SPAG17: variants seen among roughly 807,000 people sequenced by gnomAD.
SPAG17 encodes sperm-associated antigen 17.
Under a neutral mutation model 273.6 loss-of-function variants are expected in SPAG17, and 169 were observed. The ratio of observed to expected loss-of-function variants is 0.62; its 90% CI spans 0.55 to 0.70. SPAG17 has a LOEUF of 0.70. Ranked by LOEUF, SPAG17 falls within the 30% of genes least tolerant of loss-of-function variation. The pLI is 0.00. For synonymous variants in SPAG17, 825 were observed against 873.2 expected (o/e 0.94, Z 0.97); for missense variants, 2,557 against 2,627.8 (o/e 0.97, Z 0.59).
intron 23 of SPAG17, among the ~76,000 whole-genome samples, chr1:118,037,888 T>C (rs1649268939): frequency 1.3e-5 from 2 of 152,164 alleles, no homozygotes; most frequent in Admixed American, 1.3e-4. Context: ...ATAATAAAGA[T>C]GGGGCAATAT....
At chr1:118,029,384 T>C (rs1047590129) in intron 25 of SPAG17, among the ~76,000 whole-genome samples, 1 of 152,198 alleles carries the variant, frequency 6.6e-6, no homozygotes, top group African/African-American at 2.4e-5. Context: ...GTATTTTTTT[T>C]ATAGCAGTCC....
intron 18 of SPAG17, among the ~76,000 whole-genome samples, chr1:118,065,500 T>C (rs1409057551): frequency 2.0e-5 from 3 of 152,140 alleles, no homozygotes; most frequent in African/African-American, 7.2e-5. Flanking sequence ...TAGGAATATT[T>C]AAAGCAAGGA....
At chr1:118,166,568 AT>A (rs1660179825) in intron 1 of SPAG17, among the ~76,000 whole-genome samples, 1 of 152,120 alleles carries the variant, frequency 6.6e-6, no homozygotes, top group African/African-American at 2.4e-5. Context: ...TTTCCTTGTC[AT>A]TTTGTCTAAT....
At position 118,091,137 on chromosome 1, in the gene SPAG17, A is replaced by G. The variant is rs148911423; in HGVS notation, c.1359+469T>C. ...TAAAACATATTTAAGTGAATAGTGT[A>G]AAGCACATTGTATCAGATTTAAAAC... On this transcript the variant is annotated intron_variant, in intron 10 of 48. Transcript: ENST00000336338. Among the ~76,000 whole-genome samples, 11 of 152,304 alleles carry G rather than the reference A, an allele frequency of 7.2e-5. No individual in the cohort carries two copies. The East Asian group carries it at 2.1e-3, about 29-fold the overall frequency.
At chr1:117,987,926 T>C (rs752554211) in intron 39 of SPAG17, 45 bp from the exon 40 acceptor site, 2 of 1,607,962 alleles carry the variant, frequency 1.2e-6, no homozygotes, top group Non-Finnish European at 1.7e-6. Flanking sequence ...GGCAATGATT[T>C]CAGCTTAAAA....
chr1:118,119,659 A>G (rs1020027132), intron 3 of SPAG17, among the ~76,000 whole-genome samples: 8 of 152,226 alleles, frequency 5.3e-5, no homozygotes, highest in African/African-American at 4.8e-5. Context: ...AGCAGAATCC[A>G]TAAGCTAGAG....
chr1:118,003,305 G>C (rs1571209049), intron 32 of SPAG17, among the ~76,000 whole-genome samples: 1 of 152,096 alleles, frequency 6.6e-6, no homozygotes, highest in African/African-American at 2.4e-5. Context: ...TGTGTCTTGG[G>C]GTTGCTCTTC....
chr1:117,974,365 A>G (rs1654904771), intron 43 of SPAG17, among the ~76,000 whole-genome samples: 1 of 152,214 alleles, frequency 6.6e-6, no homozygotes, highest in African/African-American at 2.4e-5. Context: ...AGATGCTATT[A>G]GCATCTTTTT....
intron 10 of SPAG17, among the ~76,000 whole-genome samples, chr1:118,089,009 T>C (rs1443450797): frequency 6.6e-6 from 1 of 152,202 alleles, no homozygotes; most frequent in East Asian, 1.9e-4. Flanking sequence ...CGAACAAGAC[T>C]ACATTGTTAC....
chr1:118,135,378 TG>T (rs1658285998), intron 3 of SPAG17, among the ~76,000 whole-genome samples: 1 of 133,050 alleles, frequency 7.5e-6, no homozygotes, highest in Non-Finnish European at 1.6e-5. Flanking sequence ...GCAATGTGTG[TG>T]TGTGTGTGTG....
chr1:118,111,507 C>T (rs562087172), intron 4 of SPAG17, among the ~76,000 whole-genome samples: 1 of 150,434 alleles, frequency 6.6e-6, no homozygotes, highest in Admixed American at 6.7e-5. Context: ...CAAAACTAAC[C>T]AGCCTGTAAT....
chr1:118,127,837 T>C (rs551744794), intron 3 of SPAG17, among the ~76,000 whole-genome samples: 2 of 152,262 alleles, frequency 1.3e-5, no homozygotes, highest in South Asian at 4.1e-4. Context: ...AATTGATTCC[T>C]AGGTGGCTGG....
chr1:117,995,245 C>G (rs1657525091), intron 34 of SPAG17, among the ~76,000 whole-genome samples: 1 of 152,124 alleles, frequency 6.6e-6, no homozygotes, highest in Non-Finnish European at 1.5e-5. Flanking sequence ...TCAGTTTCTT[C>G]TGTTAGATTC....
At chr1:117,954,248 A>C in intron 48 of SPAG17, 199 bp from the exon 49 acceptor site, 3 of 702,274 alleles carry the variant, frequency 4.3e-6, no homozygotes, top group Non-Finnish European at 4.5e-6. Context: ...AAATTGAGGA[A>C]GTGTGGGAAG....
At chr1:118,085,538 G>GCACACACACA (rs372317004) in intron 13 of SPAG17, among the ~76,000 whole-genome samples, 268 of 149,686 alleles carry the variant, frequency 1.8e-3, no homozygotes, top group African/African-American at 6.3e-3. Context: ...GTGCGCGCGC[G>GCACACACACA]CACACACACA....
chr1:118,153,093 G>A (rs1483115884), intron 1 of SPAG17, among the ~76,000 whole-genome samples: 1 of 152,156 alleles, frequency 6.6e-6, no homozygotes, highest in Non-Finnish European at 1.5e-5. Context: ...TGCTCTTTGG[G>A]GGGCAACTGA....
At chr1:118,166,235 A>C (rs1660165422) in intron 1 of SPAG17, among the ~76,000 whole-genome samples, 1 of 152,256 alleles carries the variant, frequency 6.6e-6, no homozygotes, top group African/African-American at 2.4e-5. Flanking sequence ...AGAACAACAC[A>C]AAGAATAATG....
chr1:118,005,426 T>C lies in SPAG17; in HGVS notation c.4764A>G (p.Gly1588=). 6.2e-7 allele frequency: 1 copy of C among 1,604,816 alleles called. No individual in the cohort carries two copies. The highest frequency in any genetic ancestry group is 8.5e-7 in the Non-Finnish European group (1 of 1,176,678). Residue 1588 remains glycine, a synonymous_variant, in exon 32 of 49, where the codon GGA becomes GGG. Transcript: ENST00000336338. ...EVICEVLDPE[G]NTFQVMADGS... Reference sequence around the variant, plus strand: ...AGGTGCACTTTACCTGAAAAGTGTTTCCCTCAGGATCCAGAACCTCACAGA... The same window carrying C: ...AGGTGCACTTTACCTGAAAAGTGTTCCCCTCAGGATCCAGAACCTCACAGA...
chr1:118,121,127 G>C (rs901385085), intron 3 of SPAG17, among the ~76,000 whole-genome samples: 1 of 151,982 alleles, frequency 6.6e-6, no homozygotes, highest in African/African-American at 2.4e-5. Context: ...TTACATTCTA[G>C]GACTAGCTTA....
Sources: allele counts gnomAD v4.1 joint callset (sites outside exome capture counted in the v4.1 genomes callset), GRCh38; gene constraint gnomAD v4.1.1; transcripts MANE v1.5; gene names NCBI Gene and HGNC (gene_info 2026-07-23, HGNC 2026-07-21).